The following SYT1 variants were observed in gnomAD, a reference collection of about 807,000 sequenced individuals.
The protein encoded by SYT1 is synaptotagmin-1.
A neutral mutation model predicts 44.8 loss-of-function variants in SYT1; 8 were observed. That is an observed-to-expected ratio of 0.18 (90% CI 0.10 to 0.32). The LOEUF (loss-of-function observed/expected upper bound fraction) is 0.32. Ranked by LOEUF, SYT1 falls within the 10% of genes least tolerant of loss-of-function variation. The pLI, the probability that SYT1 is intolerant of heterozygous loss-of-function variation, is 1.00. For synonymous variants in SYT1, 154 were observed against 188.8 expected (o/e 0.82, Z 1.51); for missense variants, 286 against 509.3 (o/e 0.56, Z 4.22).
intron 1 of SYT1, among the ~76,000 whole-genome samples, chr12:78,908,972 A>G (rs1485140776): frequency 6.6e-6 from 1 of 151,962 alleles, no homozygotes; most frequent in Non-Finnish European, 1.5e-5. Context: ...TCAATCAACC[A>G]AAAGATTCCT....
At chr12:79,291,880 C>A in intron 5 of SYT1, 128 bp from the exon 6 acceptor site, 1 of 1,140,052 alleles carries the variant, frequency 8.8e-7, no homozygotes, top group Non-Finnish European at 1.3e-6. Flanking sequence ...GAATGTGTGT[C>A]AGACAAACAG....
chr12:79,021,319 T>G (rs1195660261), intron 2 of SYT1, among the ~76,000 whole-genome samples: 1 of 151,888 alleles, frequency 6.6e-6, no homozygotes, highest in Non-Finnish European at 1.5e-5. Flanking sequence ...ATGAGCCTAG[T>G]AAAATAGGAA....
At chr12:79,358,229 A>G (rs555272903) in intron 9 of SYT1, among the ~76,000 whole-genome samples, 1 of 152,314 alleles carries the variant, frequency 6.6e-6, no homozygotes, top group East Asian at 1.9e-4. Flanking sequence ...ATTTAAGGAC[A>G]TGGCCGTTTA....
chr12:78,964,228 G>C (rs1039388007), intron 1 of SYT1: 1 of 152,074 alleles, frequency 6.6e-6, no homozygotes, highest in Non-Finnish European at 1.5e-5. Context: ...TTTCTCAGAG[G>C]CTCTGGAATA....
intron 1 of SYT1, among the ~76,000 whole-genome samples, chr12:78,900,758 A>G (rs192401582): frequency 6.6e-6 from 1 of 152,248 alleles, no homozygotes; most frequent in Non-Finnish European, 1.5e-5. Flanking sequence ...GGTACTATTT[A>G]TAATTTTAGA....
intron 1 of SYT1, among the ~76,000 whole-genome samples, chr12:78,870,085 T>C (rs1317834568): frequency 6.6e-6 from 1 of 152,098 alleles, no homozygotes; most frequent in Non-Finnish European, 1.5e-5. Context: ...AGAACGGGAA[T>C]GGCCTATAAA....
intron 3 of SYT1, among the ~76,000 whole-genome samples, chr12:79,192,842 G>T (rs556999482): frequency 1.3e-5 from 2 of 152,222 alleles, no homozygotes; most frequent in South Asian, 4.1e-4. Context: ...GCCTCTAATA[G>T]AACCAAAATA....
chr12:79,081,497 G>A (rs1877030253), intron 3 of SYT1, among the ~76,000 whole-genome samples: 1 of 151,432 alleles, frequency 6.6e-6, no homozygotes, highest in Non-Finnish European at 1.5e-5. Flanking sequence ...TCCTGCCTCA[G>A]CCTCCCAAGT....
At chr12:79,329,567 G>T (rs527307642) in intron 8 of SYT1, among the ~76,000 whole-genome samples, 8 of 152,300 alleles carry the variant, frequency 5.3e-5, no homozygotes, top group African/African-American at 1.9e-4. Context: ...GCACTGTTCT[G>T]ACCACTTTAT....
chr12:79,390,187 C>A (rs1441264850), intron 9 of SYT1, among the ~76,000 whole-genome samples: 1 of 152,138 alleles, frequency 6.6e-6, no homozygotes, highest in East Asian at 1.9e-4. Flanking sequence ...CCCGCCCCAG[C>A]CTCCCAAAGT....
Position 78,865,778 on chromosome 12 carries a change from C to A in SYT1, c.-217+669C>A, listed in dbSNP as rs184749411. ...GAACAAAAATAAACCGACAATCCAACCCACTTTCAACTGCTTAATTGCTTT... is the reference window on the plus strand; with the variant it reads ...GAACAAAAATAAACCGACAATCCAAACCACTTTCAACTGCTTAATTGCTTT... On this transcript the variant is annotated intron_variant, in intron 1 of 10. Coordinates refer to ENST00000261205, the MANE Select transcript of SYT1 (RefSeq NM_005639.3). 3.0e-4 allele frequency among the ~76,000 whole-genome samples: 46 copies of A among 152,262 alleles called. No individual in the cohort carries two copies. In the East Asian group the frequency reaches 4.1e-3, roughly 13 times the overall value.
rs80083705 is a variant in SYT1 at position 79,072,592 on chromosome 12, A to G, written c.-18+25230A>G. Among the ~76,000 whole-genome samples the G allele has an allele frequency of 2.0e-5, 3 of 152,132 alleles. No homozygotes were observed. The East Asian group carries it at 5.8e-4, about 29-fold the overall frequency. On this transcript the variant is annotated intron_variant, in intron 3 of 10. Coordinates refer to ENST00000261205, the MANE Select transcript of SYT1 (RefSeq NM_005639.3). Reference sequence around the variant, plus strand: ...CAAAAATATTTTCAATTTTTTGCTTACCATAGTTGAATGTTACAAACTTAC... The same window carrying G: ...CAAAAATATTTTCAATTTTTTGCTTGCCATAGTTGAATGTTACAAACTTAC...
chr12:78,982,013 C>A lies in SYT1; in HGVS notation c.-84+4082C>A, dbSNP rs1869300406. Among the ~76,000 whole-genome samples the A allele has an allele frequency of 3.9e-5, 6 of 152,100 alleles. 1 individual carries two copies. ...GAGGTATCTGTCTTGTTCCTCTATT[C>A]TGCTGATTTTAAGGAGGTCTTAGCA... On this transcript the variant is annotated intron_variant, in intron 2 of 10. Transcript: ENST00000261205.
chr12:79,149,533 C>A (rs1310298618), intron 3 of SYT1, among the ~76,000 whole-genome samples: 1 of 152,050 alleles, frequency 6.6e-6, no homozygotes, highest in Non-Finnish European at 1.5e-5. Flanking sequence ...CCTAAATAGC[C>A]TTTTTCTTAG....
intron 1 of SYT1, among the ~76,000 whole-genome samples, chr12:78,889,547 A>T (rs1462266990): frequency 6.6e-6 from 1 of 151,936 alleles, no homozygotes; most frequent in African/African-American, 2.4e-5. Context: ...GTTATTTATG[A>T]AAGTTTTATG....
chr12:79,160,341 A>G (rs1870871951), intron 3 of SYT1, among the ~76,000 whole-genome samples: 1 of 152,144 alleles, frequency 6.6e-6, no homozygotes, highest in African/African-American at 2.4e-5. Flanking sequence ...AGAAAAGAAG[A>G]TAGAACTAGA....
At chr12:79,403,783 A>G (rs940203447) in intron 9 of SYT1, among the ~76,000 whole-genome samples, 14 of 152,160 alleles carry the variant, frequency 9.2e-5, no homozygotes, top group African/African-American at 3.4e-4. Context: ...TTGGTTAGAA[A>G]TGCAAATTCT....
At chr12:79,156,921 G>T (rs1424162778) in intron 3 of SYT1, among the ~76,000 whole-genome samples, 1 of 152,082 alleles carries the variant, frequency 6.6e-6, no homozygotes, top group East Asian at 1.9e-4. Flanking sequence ...ACACTTCCAG[G>T]TCACCTTTCC....
At chr12:79,062,188 G>A (rs567729403) in intron 3 of SYT1, among the ~76,000 whole-genome samples, 1 of 152,148 alleles carries the variant, frequency 6.6e-6, no homozygotes, top group East Asian at 1.9e-4. Flanking sequence ...GCTTCCCTAG[G>A]TCTATGTAGC....
Sources: allele counts gnomAD v4.1 joint callset (sites outside exome capture counted in the v4.1 genomes callset), GRCh38; gene constraint gnomAD v4.1.1; transcripts MANE v1.5; gene names NCBI Gene and HGNC (gene_info 2026-07-23, HGNC 2026-07-21).